Variants in DNAH14 observed in about 807,000 individuals in gnomAD.
DNAH14 encodes dynein axonemal heavy chain 14, also known as axonemal beta dynein heavy chain 14.
DNAH14 carries 478 observed loss-of-function variants against 520.9 expected under a neutral mutation model. The ratio of observed to expected loss-of-function variants is 0.92; its 90% confidence interval spans 0.85 to 0.99. The LOEUF (loss-of-function observed/expected upper bound fraction) is 0.99. Ranked by LOEUF, DNAH14 falls within the 50% of genes least tolerant of loss-of-function variation. The pLI is 0.00. For synonymous variants in DNAH14, 1,581 were observed against 1,757.2 expected (o/e 0.90, Z 2.51); for missense variants, 4,831 against 5,234.5 (o/e 0.92, Z 2.38).
At chr1:225,173,138 C>A (rs1182541375) in intron 36 of DNAH14, among the ~76,000 whole-genome samples, 1 of 152,152 alleles carries the variant, frequency 6.6e-6, no homozygotes, top group East Asian at 1.9e-4. Context: ...AAATGTTAGA[C>A]CTAAAACCAT....
At chr1:225,361,548 A>G (rs544753683) in intron 75 of DNAH14, among the ~76,000 whole-genome samples, 1 of 152,322 alleles carries the variant, frequency 6.6e-6, no homozygotes, top group African/African-American at 2.4e-5. Flanking sequence ...CATGGCCAAT[A>G]TCCTGTGGTA....
intron 23 of DNAH14, among the ~76,000 whole-genome samples, chr1:225,103,058 A>C (rs1653392805): frequency 6.6e-6 from 1 of 152,162 alleles, no homozygotes; most frequent in South Asian, 2.1e-4. Flanking sequence ...TCTTGAATTA[A>C]TTTTTGTATG....
intron 36 of DNAH14, among the ~76,000 whole-genome samples, chr1:225,180,713 G>A (rs1202037769): frequency 6.6e-6 from 1 of 152,156 alleles, no homozygotes; most frequent in Non-Finnish European, 1.5e-5. Context: ...CATGATTTAT[G>A]AAGGTGACAA....
intron 43 of DNAH14, among the ~76,000 whole-genome samples, chr1:225,246,105 C>CA (rs140007042): frequency 0.27 from 20,901 of 77,286 alleles, 2,323 homozygotes; most frequent in East Asian, 0.39. Context: ...ACAAACCTGG[C>CA]AAAAAAAAAA....
At chr1:225,215,581 G>C (rs1276791863) in intron 41 of DNAH14, among the ~76,000 whole-genome samples, 1 of 152,174 alleles carries the variant, frequency 6.6e-6, no homozygotes, top group Non-Finnish European at 1.5e-5. Context: ...GGGTGCTCTT[G>C]TATTGGGTGC....
At chr1:225,053,099 G>A (rs1237300091) in intron 17 of DNAH14, among the ~76,000 whole-genome samples, 1 of 152,014 alleles carries the variant, frequency 6.6e-6, no homozygotes, top group East Asian at 1.9e-4. Context: ...TTATTTACTA[G>A]AACTCAGTTA....
At chr1:225,347,800 T>C (rs1377320164) in intron 71 of DNAH14, among the ~76,000 whole-genome samples, 1 of 151,862 alleles carries the variant, frequency 6.6e-6, no homozygotes, top group East Asian at 1.9e-4. Flanking sequence ...AAAAGATACA[T>C]AAGGCAAACA....
chr1:225,078,571 A>G lies in DNAH14; in HGVS notation c.2425-636A>G, dbSNP rs535230102. ...CAGTACTTAAATAACACTTAGAATT[A>G]TGTCTAGATTATGTGATATGGTTTG... is the stretch of plus-strand genomic sequence containing the variant. On this transcript the variant is annotated intron_variant, in intron 17 of 85. Coordinates refer to ENST00000682510, the MANE Select transcript of DNAH14 (RefSeq NM_001367479.1). Among the ~76,000 whole-genome samples, 113 of 152,284 alleles carry G rather than the reference A, an allele frequency of 7.4e-4. 1 individual carries two copies. Among genetic ancestry groups the G allele is most frequent in the African/African-American group, 2.7e-3 (111 of 41,550 alleles).
chr1:225,078,142 T>C (rs2148545125), intron 17 of DNAH14, among the ~76,000 whole-genome samples: 1 of 152,288 alleles, frequency 6.6e-6, no homozygotes, highest in South Asian at 2.1e-4. Context: ...AGTATGGTTA[T>C]AAATATAATA....
At chr1:225,031,759 T>C (rs2066544490) in intron 11 of DNAH14, among the ~76,000 whole-genome samples, 1 of 152,132 alleles carries the variant, frequency 6.6e-6, no homozygotes. Context: ...AATACATTTT[T>C]AGTTGTTCAT....
chr1:225,201,114 T>C (rs2086767239), intron 38 of DNAH14, among the ~76,000 whole-genome samples: 1 of 152,008 alleles, frequency 6.6e-6, no homozygotes, highest in Non-Finnish European at 1.5e-5. Context: ...AACCTTGTCT[T>C]CGAGGTCTGA....
At chr1:225,292,959 T>C (rs1157975232) in intron 55 of DNAH14, among the ~76,000 whole-genome samples, 2 of 152,086 alleles carry the variant, frequency 1.3e-5, no homozygotes, top group African/African-American at 2.4e-5. Context: ...TTTGCTGCAT[T>C]CATTTTTCAG....
At position 225,206,551 on chromosome 1, in the gene DNAH14, G is replaced by A. The variant is rs558538917; in HGVS notation, c.6186+372G>A. Among the ~76,000 whole-genome samples, 109 of 152,220 alleles carry A rather than the reference G, an allele frequency of 7.2e-4. 1 individual carries two copies. Among genetic ancestry groups the A allele is most frequent in the African/African-American group, 2.6e-3 (106 of 41,552 alleles). ...GAAACACACTATGAAGACAGTGGGA[G>A]GGAAGTACAAAATATAACATGAAGT... On this transcript the variant is annotated intron_variant, in intron 40 of 85. Transcript: ENST00000682510.
At chr1:225,104,995 T>C (rs372112929) in intron 23 of DNAH14, among the ~76,000 whole-genome samples, 1 of 152,344 alleles carries the variant, frequency 6.6e-6, no homozygotes, top group South Asian at 2.1e-4. Flanking sequence ...CAATTTTGGA[T>C]CTTTCCTGCT....
chr1:225,208,325 TA>T (rs892594741), intron 41 of DNAH14, among the ~76,000 whole-genome samples: 8 of 150,380 alleles, frequency 5.3e-5, no homozygotes, highest in Non-Finnish European at 7.4e-5. Flanking sequence ...AGGTTAGAAG[TA>T]AAAAAAAATG....
intron 20 of DNAH14, among the ~76,000 whole-genome samples, chr1:225,085,106 G>A (rs1487085013): frequency 6.6e-6 from 1 of 152,100 alleles, no homozygotes; most frequent in Non-Finnish European, 1.5e-5. Context: ...TAGGGATTGG[G>A]CATTATTCTT....
At chr1:225,054,564 A>C (rs1433310855) in intron 17 of DNAH14, among the ~76,000 whole-genome samples, 1 of 152,124 alleles carries the variant, frequency 6.6e-6, no homozygotes, top group South Asian at 2.1e-4. Context: ...TGTATCAGAC[A>C]TACATAAATC....
intron 81 of DNAH14, among the ~76,000 whole-genome samples, chr1:225,386,335 C>T (rs1181512100): frequency 6.6e-6 from 1 of 152,166 alleles, no homozygotes; most frequent in African/African-American, 2.4e-5. Context: ...GACTTCATGA[C>T]TAAAACACCA....
intron 1 of DNAH14, among the ~76,000 whole-genome samples, chr1:224,934,887 GA>G (rs978436512): frequency 6.6e-6 from 1 of 151,556 alleles, no homozygotes; most frequent in African/African-American, 2.4e-5. Context: ...AATGCCAAAA[GA>G]AAAAAATGCC....
Sources: gnomAD v4.1 joint callset for allele counts (sites outside exome capture counted in the v4.1 genomes callset) on GRCh38, gnomAD v4.1.1 for gene constraint, MANE v1.5 for transcripts, NCBI Gene and HGNC (gene_info 2026-07-23, HGNC 2026-07-21) for gene names.